The following LMCD1 variants were observed in gnomAD, a reference collection of about 807,000 sequenced individuals.
LMCD1 encodes LIM and cysteine rich domains 1.
In LMCD1, 32 loss-of-function variants were observed where a neutral mutation model predicts 42.7. The ratio of observed to expected loss-of-function variants is 0.75; its 90% CI spans 0.57 to 1.01. The LOEUF is 1.01. LMCD1 is among the 50% of genes least tolerant of loss of function. The pLI, the probability that LMCD1 is intolerant of heterozygous loss-of-function variation, is 0.00. For synonymous variants in LMCD1, 178 were observed against 184.9 expected, an observed-to-expected ratio of 0.96 and a Z score of 0.30; for missense variants, 458 against 483.1, an observed-to-expected ratio of 0.95 and a Z score of 0.49.
intron 1 of LMCD1, among the ~76,000 whole-genome samples, chr3:8,518,758 A>C (rs1694144376): frequency 2.0e-5 from 3 of 152,098 alleles, no homozygotes; most frequent in Admixed American, 6.6e-5. Context: ...AGAAGAGAGG[A>C]GAAGAGCCAG....
intron 1 of LMCD1, among the ~76,000 whole-genome samples, chr3:8,504,983 T>G (rs2125008039): frequency 6.6e-6 from 1 of 152,366 alleles, no homozygotes; most frequent in East Asian, 1.9e-4. Context: ...TTTGAGTCAG[T>G]ATCCTCACCT....
chr3:8,544,218 A>G (rs1694690737), intron 3 of LMCD1, among the ~76,000 whole-genome samples: 1 of 152,172 alleles, frequency 6.6e-6, no homozygotes, highest in South Asian at 2.1e-4. Flanking sequence ...TAGGGATTAC[A>G]TAATCTACCC....
At position 8,570,762 on chromosome 3, in the gene LMCD1, C is replaced by G. The variant is rs1344491113; in HGVS notation, c.*3164C>G. ...CTCTTCAAGAACAATCAGGGGCTCC[C>G]TGTTGCACACACAGAAAAAAATTGA... On this transcript the variant is annotated 3_prime_UTR_variant, in exon 6 of 6. Coordinates refer to ENST00000157600, the MANE Select transcript of LMCD1 (RefSeq NM_014583.4). 1 of 152,226 alleles carries G rather than the reference C, an allele frequency of 6.6e-6. No individual in the cohort carries two copies. The highest frequency in any genetic ancestry group is 1.9e-4 in the East Asian group (1 of 5,200). The allele number at this position is 152,226 out of a possible 1,614,324, so 9.4% of individuals were successfully genotyped here. A position where few individuals can be genotyped will look rare whatever the true frequency, so the allele number is the denominator to read the frequency against.
At chr3:8,518,299 G>A (rs1363817644) in intron 1 of LMCD1, among the ~76,000 whole-genome samples, 3 of 152,314 alleles carry the variant, frequency 2.0e-5, no homozygotes, top group South Asian at 4.1e-4. Context: ...GAGTTTTCAC[G>A]ATTTCCCAGT....
At chr3:8,565,734 T>C in intron 5 of LMCD1, 87 bp downstream of exon 5, 1 of 1,243,242 alleles carries the variant, frequency 8.0e-7, no homozygotes, top group Non-Finnish European at 1.1e-6. Context: ...CATGGCTTTG[T>C]GGATGATGTG....
At chr3:8,564,476 TGCCCAG>T (rs1280196424) in intron 4 of LMCD1, among the ~76,000 whole-genome samples, 1 of 152,156 alleles carries the variant, frequency 6.6e-6, no homozygotes, top group African/African-American at 2.4e-5. Context: ...CTTGCTATGT[TGCCCAG>T]GCTGGTCTCA....
At chr3:8,557,932 A>T (rs1479692046) in intron 4 of LMCD1, among the ~76,000 whole-genome samples, 1 of 152,168 alleles carries the variant, frequency 6.6e-6, no homozygotes, top group Non-Finnish European at 1.5e-5. Flanking sequence ...CTGGGAAGAC[A>T]CACACAGCAG....
chr3:8,557,817 A>G (rs951308592), intron 4 of LMCD1, among the ~76,000 whole-genome samples: 1 of 152,208 alleles, frequency 6.6e-6, no homozygotes, highest in Non-Finnish European at 1.5e-5. Context: ...GGCAGGGTTC[A>G]GTGAGGACAG....
rs988864832 is a variant in LMCD1, at chr3:8,572,902, G to A, written c.*5304G>A. 1.3e-4 allele frequency: 20 copies of A among 152,090 alleles called. No individual in the cohort carries two copies. The highest frequency in any genetic ancestry group is 4.8e-4 in the African/African-American group (20 of 41,420). The allele number at this position is 152,090 out of a possible 1,614,324, so 9.4% of individuals were successfully genotyped here. A position where few individuals can be genotyped will look rare whatever the true frequency, so the allele number is the denominator to read the frequency against. On this transcript the variant is annotated 3_prime_UTR_variant, in exon 6 of 6. Coordinates refer to ENST00000157600, the MANE Select transcript of LMCD1 (RefSeq NM_014583.4). Reference sequence around the variant, plus strand: ...GTTCCTTCTTAATCTGGCTGTTGTTGTGTTGGAACTCCTGGTACCATCTTA... The same window carrying A: ...GTTCCTTCTTAATCTGGCTGTTGTTATGTTGGAACTCCTGGTACCATCTTA...
intron 2 of LMCD1, among the ~76,000 whole-genome samples, chr3:8,533,580 G>C (rs140896968): frequency 1.3e-5 from 2 of 152,252 alleles, no homozygotes; most frequent in East Asian, 3.9e-4. Flanking sequence ...GCGCTCAGTG[G>C]GGGGACAAAG....
At chr3:8,541,765 G>A (rs1033542791) in intron 3 of LMCD1, among the ~76,000 whole-genome samples, 5 of 152,162 alleles carry the variant, frequency 3.3e-5, no homozygotes, top group East Asian at 1.9e-4. Flanking sequence ...GTGCCAGGTC[G>A]TTGACTCCGG....
At chr3:8,514,773 T>G (rs989655566) in intron 1 of LMCD1, among the ~76,000 whole-genome samples, 4 of 152,230 alleles carry the variant, frequency 2.6e-5, no homozygotes, top group Non-Finnish European at 4.4e-5. Context: ...CCGTGTAATT[T>G]CATTTTTACC....
At chr3:8,564,615 G>A (rs1327115325) in intron 4 of LMCD1, among the ~76,000 whole-genome samples, 2 of 152,114 alleles carry the variant, frequency 1.3e-5, no homozygotes, top group Non-Finnish European at 2.9e-5. Flanking sequence ...CTTCATGCAC[G>A]GGTAAAAAGA....
intron 5 of LMCD1, 142 bp downstream of exon 5, chr3:8,565,789 C>T: frequency 1.3e-6 from 1 of 772,178 alleles, no homozygotes; most frequent in Non-Finnish European, 2.1e-6. Flanking sequence ...TGCATGCTCT[C>T]AACCTTCATT....
chr3:8,567,687 C>A lies in LMCD1; in HGVS notation c.*89C>A. 7.8e-7 allele frequency: 1 copy of A among 1,274,486 alleles called. No individual in the cohort carries two copies. Among genetic ancestry groups the A allele is most frequent in the Non-Finnish European group, 1.1e-6 (1 of 918,190 alleles). The allele number at this position is 1,274,486 out of a possible 1,614,324, so 78.9% of individuals were successfully genotyped here. A position where few individuals can be genotyped will look rare whatever the true frequency, so the allele number is the denominator to read the frequency against. On this transcript the variant is annotated 3_prime_UTR_variant, in exon 6 of 6. Transcript: ENST00000157600. ...AGACCATCCTAAGGGTCCGATGTGA[C>A]AGCAAGCAAGTGAAATAAACAATGA...
chr3:8,524,109 A>G (rs1270631816), intron 1 of LMCD1, among the ~76,000 whole-genome samples: 1 of 151,330 alleles, frequency 6.6e-6, no homozygotes, highest in Non-Finnish European at 1.5e-5. Flanking sequence ...TTGTGGGTAC[A>G]TAGTAGGTAT....
chr3:8,547,529 A>G (rs1347681866), intron 3 of LMCD1, among the ~76,000 whole-genome samples: 1 of 152,210 alleles, frequency 6.6e-6, no homozygotes, highest in Non-Finnish European at 1.5e-5. Flanking sequence ...GTCATACACC[A>G]CTTAATGCTG....
At chr3:8,551,926 A>G (rs1694849600) in intron 4 of LMCD1, among the ~76,000 whole-genome samples, 1 of 152,240 alleles carries the variant, frequency 6.6e-6, no homozygotes, top group Non-Finnish European at 1.5e-5. Flanking sequence ...GATTTTTGCA[A>G]GAAGTGGTCC....
At chr3:8,539,963 C>CGTGCTGCACCCATTAA (rs1337956221) in intron 3 of LMCD1, among the ~76,000 whole-genome samples, 2 of 151,838 alleles carry the variant, frequency 1.3e-5, no homozygotes, top group Admixed American at 6.6e-5. Context: ...CTAATGCTAT[C>CGTGCTGCACCCATTAA]CCTCCCCCAG....
Sources: gnomAD v4.1 joint callset for allele counts (sites outside exome capture counted in the v4.1 genomes callset) on GRCh38, gnomAD v4.1.1 for gene constraint, MANE v1.5 for transcripts, NCBI Gene and HGNC (gene_info 2026-07-23, HGNC 2026-07-21) for gene names.